DPP6: variants seen among roughly 807,000 people sequenced by gnomAD.
DPP6 encodes dipeptidyl peptidase like 6, also known as A-type potassium channel modulatory protein DPP6.
A neutral mutation model predicts 122.6 loss-of-function variants in DPP6; 69 were observed. The observed-to-expected ratio is 0.56, with a 90% CI of 0.46 to 0.69. The LOEUF is 0.69. Ranked by LOEUF, DPP6 falls within the 30% of genes least tolerant of loss-of-function variation. DPP6 has a pLI of 0.00. For missense variants in DPP6, 928 were observed against 1,116.9 expected (o/e 0.83, Z 2.41); for synonymous variants, 418 against 433.1 (o/e 0.97, Z 0.43).
chr7:154,414,027 C>G (rs1365343945), intron 1 of DPP6, among the ~76,000 whole-genome samples: 2 of 152,128 alleles, frequency 1.3e-5, no homozygotes, highest in Admixed American at 6.6e-5. Context: ...GCCATCGTGT[C>G]CATCATTTTT....
At chr7:154,514,131 G>T (rs191451432) in intron 3 of DPP6, among the ~76,000 whole-genome samples, 1 of 151,994 alleles carries the variant, frequency 6.6e-6, no homozygotes, top group Admixed American at 6.6e-5. Flanking sequence ...AAACAATTAG[G>T]CAGGCATGGT....
At chr7:154,883,951 G>GCAC (rs1554495823) in intron 21 of DPP6, 2 of 124,206 alleles carry the variant, frequency 1.6e-5, no homozygotes, top group Admixed American at 7.7e-5. Context: ...CATACACGCT[G>GCAC]ACACATGCTC....
intron 1 of DPP6, among the ~76,000 whole-genome samples, chr7:154,200,358 C>T (rs985967360): frequency 6.6e-6 from 1 of 152,142 alleles, no homozygotes; most frequent in Non-Finnish European, 1.5e-5. Context: ...AAATGATTCC[C>T]TTCTCGCTAT....
the DPP6 span, among the ~76,000 whole-genome samples, chr7:153,871,941 G>A: frequency 2.0e-5 from 3 of 152,184 alleles, no homozygotes; most frequent in Non-Finnish European, 2.9e-5. Flanking sequence ...ACACCGCTGC[G>A]AATATGGACT....
At chr7:154,441,061 C>T (rs1049065171) in intron 1 of DPP6, among the ~76,000 whole-genome samples, 3 of 152,162 alleles carry the variant, frequency 2.0e-5, no homozygotes, top group Admixed American at 6.5e-5. Context: ...GATGTGTACC[C>T]GGAACATTCA....
chr7:154,353,801 T>C (rs2151084851), intron 1 of DPP6, among the ~76,000 whole-genome samples: 1 of 152,304 alleles, frequency 6.6e-6, no homozygotes, highest in Non-Finnish European at 1.5e-5. Flanking sequence ...TATATGAAAA[T>C]GGCAGGCAAG....
intron 17 of DPP6, among the ~76,000 whole-genome samples, chr7:154,865,069 G>A (rs1803740153): frequency 6.6e-6 from 1 of 152,100 alleles, no homozygotes; most frequent in African/African-American, 2.4e-5. Flanking sequence ...GCTGTAAGAG[G>A]GTCTGTCCCC....
At position 154,224,917 on chromosome 7, in the gene DPP6, C is replaced by A. The variant is rs984804009; in HGVS notation, c.243+171854C>A. 2.6e-5 allele frequency among the ~76,000 whole-genome samples: 4 copies of A among 152,054 alleles called. No individual in the cohort carries two copies. In the South Asian group the frequency reaches 6.2e-4, roughly 24 times the overall value. On this transcript the variant is annotated intron_variant, in intron 1 of 25. Transcript: ENST00000377770. ...CAGCACTTTGGGAGGCAGAGGCGGG[C>A]AGATTACTTGAGGCCAGGAGTTTGA...
intron 1 of DPP6, among the ~76,000 whole-genome samples, chr7:154,244,983 C>T (rs1801879078): frequency 7.0e-6 from 1 of 142,032 alleles, no homozygotes; most frequent in Non-Finnish European, 1.5e-5. Flanking sequence ...TAGGGTCTTG[C>T]TCTATCACCC....
intron 5 of DPP6, among the ~76,000 whole-genome samples, chr7:154,616,378 C>G (rs947328784): frequency 6.6e-6 from 1 of 152,206 alleles, no homozygotes; most frequent in Non-Finnish European, 1.5e-5. Flanking sequence ...CTTCTGCAAA[C>G]AGCTCACAAT....
intron 1 of DPP6, among the ~76,000 whole-genome samples, chr7:154,291,716 C>T (rs1442667037): frequency 6.6e-6 from 1 of 152,198 alleles, no homozygotes; most frequent in Non-Finnish European, 1.5e-5. Context: ...TACAGATTGG[C>T]TGTTGTTTGG....
the DPP6 span, among the ~76,000 whole-genome samples, chr7:153,760,170 C>T: frequency 1.3e-5 from 2 of 151,960 alleles, no homozygotes; most frequent in Non-Finnish European, 2.9e-5. Flanking sequence ...TTAATATTAC[C>T]TTCTGCAATA....
At chr7:154,635,950 T>A (rs972019031) in intron 5 of DPP6, among the ~76,000 whole-genome samples, 6 of 152,190 alleles carry the variant, frequency 3.9e-5, no homozygotes, top group Non-Finnish European at 5.9e-5. Context: ...TCACTGCTAC[T>A]GTATTCTGTT....
At position 154,566,653 on chromosome 7, in the gene DPP6, GA is replaced by G. The variant is rs751391059; in HGVS notation, c.553-181del. 6.6e-5 allele frequency among the ~76,000 whole-genome samples: 10 copies of G among 150,758 alleles called. 1 individual carries two copies. Among genetic ancestry groups the G allele is most frequent in the African/African-American group, 2.4e-5 (1 of 41,024 alleles). On this transcript the variant is annotated intron_variant, in intron 4 of 25. Transcript: ENST00000377770. ...CAATAAGTATGTTTTGTTGAAATTT[GA>G]AAAAAAATACAAATAAAATATGAAA... is the stretch of plus-strand genomic sequence containing the variant.
chr7:154,544,022 G>A (rs146350634), intron 4 of DPP6, among the ~76,000 whole-genome samples: 1 of 144,406 alleles, frequency 6.9e-6, no homozygotes, highest in East Asian at 2.0e-4. Context: ...AAGAGTTTCT[G>A]TATGTGTAAA....
rs529801607 is a variant in DPP6, at chr7:153,970,056, A to G, written c.51+82322A>G. On this transcript the variant is annotated intron_variant, in intron 1 of 25. Transcript: ENST00000404039. ...TTATGTAGAATTTCGTTATATGGAC[A>G]TAACTCAGCGTGTTGATCCATTCAA... Among the ~76,000 whole-genome samples the G allele has an allele frequency of 5.2e-4, 79 of 152,362 alleles. 1 individual carries two copies. The highest frequency in any genetic ancestry group is 1.8e-3 in the African/African-American group (75 of 41,584).
chr7:154,546,188 A>C (rs750256378), intron 4 of DPP6, among the ~76,000 whole-genome samples: 4 of 152,186 alleles, frequency 2.6e-5, no homozygotes, highest in Non-Finnish European at 4.4e-5. Flanking sequence ...AATATTTATG[A>C]TATATTTTAA....
intron 13 of DPP6, among the ~76,000 whole-genome samples, chr7:154,802,501 C>T (rs1466410595): frequency 6.6e-6 from 1 of 152,128 alleles, no homozygotes; most frequent in Non-Finnish European, 1.5e-5. Flanking sequence ...TTTGCTTTTT[C>T]CTGCGGTCTT....
At chr7:154,204,553 C>T (rs1238986001) in intron 1 of DPP6, among the ~76,000 whole-genome samples, 2 of 152,176 alleles carry the variant, frequency 1.3e-5, no homozygotes, top group Admixed American at 1.3e-4. Context: ...CCAGTGTGAA[C>T]ACACGGCAAA....
Sources: gnomAD v4.1 joint callset for allele counts (sites outside exome capture counted in the v4.1 genomes callset) on GRCh38, gnomAD v4.1.1 for gene constraint, MANE v1.5 for transcripts, NCBI Gene and HGNC (gene_info 2026-07-23, HGNC 2026-07-21) for gene names.